The following TNFSF4 variants were observed in gnomAD, a reference collection of about 807,000 sequenced individuals.
TNFSF4 encodes the protein TNF superfamily member 4, also known as tumor necrosis factor ligand superfamily member 4.
TNFSF4 carries 4 observed loss-of-function variants against 7.3 expected under a neutral mutation model. That is an observed-to-expected ratio of 0.55 (90% CI 0.27 to 1.25). The LOEUF is 1.25. Among genes scored for constraint, TNFSF4 ranks in the 50% most tolerant of loss-of-function variants. The pLI is 0.12. For synonymous variants in TNFSF4, 76 were observed against 83.7 expected, an observed-to-expected ratio of 0.91 and a Z score of 0.50; for missense variants, 181 against 208.8, an observed-to-expected ratio of 0.87 and a Z score of 0.82.
At chr1:173,253,586 T>G in the TNFSF4 span, among the ~76,000 whole-genome samples, 8 of 152,218 alleles carry the variant, frequency 5.3e-5, no homozygotes, top group African/African-American at 1.9e-4. Context: ...CTCATTTGAT[T>G]CTTGCCTGGT....
chr1:173,273,230 G>T, the TNFSF4 span, among the ~76,000 whole-genome samples: 1 of 152,036 alleles, frequency 6.6e-6, no homozygotes, highest in African/African-American at 2.4e-5. Context: ...TTATCACAAA[G>T]GATTGATGGT....
At chr1:173,323,830 T>A in the TNFSF4 span, among the ~76,000 whole-genome samples, 1 of 151,996 alleles carries the variant, frequency 6.6e-6, no homozygotes, top group African/African-American at 2.4e-5. Flanking sequence ...TTAAAAAAAA[T>A]GAACAAAGCC....
the TNFSF4 span, among the ~76,000 whole-genome samples, chr1:173,256,795 C>G: frequency 6.6e-6 from 1 of 152,190 alleles, no homozygotes; most frequent in Non-Finnish European, 1.5e-5. Flanking sequence ...TTGAAGTGGC[C>G]AGGCCATGCC....
At chr1:173,327,358 T>C in the TNFSF4 span, among the ~76,000 whole-genome samples, 2 of 152,114 alleles carry the variant, frequency 1.3e-5, no homozygotes, top group African/African-American at 4.8e-5. Flanking sequence ...TAATTCAAGA[T>C]GGATTAAAGA....
chr1:173,211,270 A>G (rs190538117), upstream of TNFSF4, among the ~76,000 whole-genome samples: 7 of 152,310 alleles, frequency 4.6e-5, no homozygotes, highest in East Asian at 1.2e-3. Context: ...GCATTTTCAA[A>G]TGTCAAAATC....
chr1:173,228,778 C>G, the TNFSF4 span, among the ~76,000 whole-genome samples: 1 of 152,046 alleles, frequency 6.6e-6, no homozygotes, highest in African/African-American at 2.4e-5. Flanking sequence ...AACTAAGTGA[C>G]GAATGTGCAA....
At chr1:173,309,464 G>A in the TNFSF4 span, among the ~76,000 whole-genome samples, 5 of 151,780 alleles carry the variant, frequency 3.3e-5, no homozygotes, top group East Asian at 9.7e-4. Flanking sequence ...GAACTATTGA[G>A]ACAATTATAT....
At chr1:173,365,189 A>G in the TNFSF4 span, among the ~76,000 whole-genome samples, 4 of 152,128 alleles carry the variant, frequency 2.6e-5, no homozygotes, top group Admixed American at 1.3e-4. Flanking sequence ...CACAACAATG[A>G]TATAATCCAG....
chr1:173,438,789 C>A, the TNFSF4 span, among the ~76,000 whole-genome samples: 1 of 152,136 alleles, frequency 6.6e-6, no homozygotes, highest in South Asian at 2.1e-4. Context: ...GCTGAAAGAT[C>A]AGTCTTATCC....
upstream of TNFSF4, among the ~76,000 whole-genome samples, chr1:173,210,119 A>T (rs1008267093): frequency 2.6e-5 from 4 of 151,294 alleles, no homozygotes; most frequent in South Asian, 2.1e-4. Context: ...TTTTGGTGAT[A>T]AAAAAAATCT....
chr1:173,280,086 T>G, the TNFSF4 span, among the ~76,000 whole-genome samples: 3 of 152,096 alleles, frequency 2.0e-5, no homozygotes, highest in Non-Finnish European at 4.4e-5. Flanking sequence ...ATGTCTTTTC[T>G]TCCTTTCTCT....
At chr1:173,232,211 T>C in the TNFSF4 span, among the ~76,000 whole-genome samples, 2 of 152,124 alleles carry the variant, frequency 1.3e-5, no homozygotes, top group Non-Finnish European at 2.9e-5. Context: ...TTCCTAGGTA[T>C]TTTATTCTCT....
the TNFSF4 span, among the ~76,000 whole-genome samples, chr1:173,296,931 TAGACAGTGCCCAGAA>T: frequency 6.6e-6 from 1 of 151,872 alleles, no homozygotes; most frequent in Admixed American, 6.6e-5. Flanking sequence ...GAGTCCCAGG[TAGACAGTGCCCAGAA>T]AAGCAGATAT....
the TNFSF4 span, among the ~76,000 whole-genome samples, chr1:173,303,656 A>G: frequency 6.6e-6 from 1 of 151,902 alleles, no homozygotes; most frequent in African/African-American, 2.4e-5. Flanking sequence ...GAAGTGAATA[A>G]CGTAAAAAAC....
chr1:173,300,168 C>CATACATAT, the TNFSF4 span, among the ~76,000 whole-genome samples: 1 of 140,482 alleles, frequency 7.1e-6, no homozygotes, highest in Non-Finnish European at 1.5e-5. Flanking sequence ...TAGATACATA[C>CATACATAT]ATACATACAT....
At chr1:173,416,638 T>TATTTATTTATTTATTTATTTTTTGAGAGA in the TNFSF4 span, among the ~76,000 whole-genome samples, 53 of 110,134 alleles carry the variant, frequency 4.8e-4, 1 homozygote, top group African/African-American at 1.4e-3. Context: ...ATTTATTTTT[T>TATTTATTTATTTATTTATTTTTTGAGAGA]GAGAGAGAGA....
chr1:173,420,637 A>G, the TNFSF4 span, among the ~76,000 whole-genome samples: 4 of 152,196 alleles, frequency 2.6e-5, no homozygotes, highest in Non-Finnish European at 4.4e-5. Flanking sequence ...CCTACATTTC[A>G]AAAGAAAAGA....
the TNFSF4 span, among the ~76,000 whole-genome samples, chr1:173,410,749 A>G: frequency 1.3e-5 from 2 of 152,164 alleles, no homozygotes; most frequent in South Asian, 4.1e-4. Context: ...TTATCATCCA[A>G]TGTCCATCAT....
the TNFSF4 span, among the ~76,000 whole-genome samples, chr1:173,308,285 C>CTCTCTCTCTCTCTGTGTGTGTGTG: frequency 7.4e-6 from 1 of 135,056 alleles, no homozygotes; most frequent in African/African-American, 2.9e-5. Flanking sequence ...CTCTCTCTCT[C>CTCTCTCTCTCTCTGTGTGTGTGTG]TGTGTGTGTG....
Sources: gnomAD v4.1 joint callset for allele counts (sites outside exome capture counted in the v4.1 genomes callset) on GRCh38, gnomAD v4.1.1 for gene constraint, MANE v1.5 for transcripts, NCBI Gene and HGNC (gene_info 2026-07-23, HGNC 2026-07-21) for gene names.